The following RARS2 variants were observed in gnomAD, a reference collection of about 807,000 sequenced individuals.
RARS2 encodes the protein probable arginine--tRNA ligase, mitochondrial.
RARS2 carries 67 observed loss-of-function variants against 88.5 expected under a neutral mutation model. That is an observed-to-expected ratio of 0.76 (90% CI 0.62 to 0.93). The LOEUF is 0.93. Ranked by LOEUF, RARS2 falls within the 40% of genes least tolerant of loss-of-function variation. The pLI, the probability that RARS2 is intolerant of heterozygous loss-of-function variation, is 0.00. For synonymous variants in RARS2, 239 were observed against 230.3 expected (o/e 1.04, Z -0.34); for missense variants, 664 against 684.2 (o/e 0.97, Z 0.33).
At chr6:87,524,533 T>C (rs1775029225) in intron 11 of RARS2, 24 bp downstream of exon 11, 8 of 1,537,214 alleles carry the variant, frequency 5.2e-6, no homozygotes, top group East Asian at 2.2e-5. Flanking sequence ...GAACCAAATG[T>C]TGACCCTCAC....
At chr6:87,580,556 C>T (rs981133623) in intron 1 of RARS2, among the ~76,000 whole-genome samples, 2 of 150,270 alleles carry the variant, frequency 1.3e-5, no homozygotes, top group African/African-American at 2.5e-5. Flanking sequence ...GGGTGGATTA[C>T]CTGAGGTCAG....
chr6:87,556,998 A>G (rs1786158375), intron 4 of RARS2, among the ~76,000 whole-genome samples: 2 of 151,892 alleles, frequency 1.3e-5, no homozygotes, highest in South Asian at 4.2e-4. Flanking sequence ...GTTGTGAAAA[A>G]TTTTATTATT....
chr6:87,535,852 A>AT (rs111712008), intron 8 of RARS2, among the ~76,000 whole-genome samples: 4,112 of 145,114 alleles, frequency 0.028, 166 homozygotes, highest in African/African-American at 0.095. Context: ...AATTATTTGT[A>AT]TTTTTTTTTT....
chr6:87,519,164 G>GTATA (rs147071558), intron 14 of RARS2: 38 of 281,070 alleles, frequency 1.4e-4, no homozygotes, highest in Admixed American at 4.4e-4. Context: ...ATGTATGTGT[G>GTATA]TATATATATA....
chr6:87,554,780 C>G (rs923500822), intron 5 of RARS2, among the ~76,000 whole-genome samples: 16 of 152,100 alleles, frequency 1.1e-4, no homozygotes, highest in Non-Finnish European at 2.2e-4. Flanking sequence ...TGGTAGTAAC[C>G]ATTACCTCTG....
chr6:87,537,267 T>C (rs979206800), intron 8 of RARS2, among the ~76,000 whole-genome samples: 1 of 152,192 alleles, frequency 6.6e-6, no homozygotes, highest in Non-Finnish European at 1.5e-5. Context: ...ACTCAAGGGA[T>C]GAAAGAAAGG....
At chr6:87,531,056 T>A in intron 8 of RARS2, 114 bp from the exon 9 acceptor site, 1 of 1,513,352 alleles carries the variant, frequency 6.6e-7, no homozygotes, top group Non-Finnish European at 8.9e-7. Context: ...ATTTTCCAAG[T>A]TGGGTACATT....
chr6:87,520,460 A>C (rs1773479738), intron 12 of RARS2, among the ~76,000 whole-genome samples: 1 of 151,942 alleles, frequency 6.6e-6, no homozygotes, highest in Non-Finnish European at 1.5e-5. Context: ...GAGCCATACA[A>C]CTCCACCGAG....
At chr6:87,551,487 G>T (rs150699699) in intron 5 of RARS2, among the ~76,000 whole-genome samples, 1 of 151,614 alleles carries the variant, frequency 6.6e-6, no homozygotes, top group Non-Finnish European at 1.5e-5. Flanking sequence ...TTAGCTGGGC[G>T]TGGTGGTGCA....
At chr6:87,539,058 G>GAATAAATAAATA (rs71018032) in intron 8 of RARS2, among the ~76,000 whole-genome samples, 9,291 of 150,476 alleles carry the variant, frequency 0.062, 361 homozygotes, top group African/African-American at 0.11. Context: ...ATAAATAAAT[G>GAATAAATAAATA]AATAAATAAA....
At chr6:87,580,494 G>T (rs1032411209) in intron 1 of RARS2, among the ~76,000 whole-genome samples, 3 of 151,678 alleles carry the variant, frequency 2.0e-5, no homozygotes, top group African/African-American at 7.3e-5. Flanking sequence ...AGCACTTCTT[G>T]CCAGGTGCAG....
chr6:87,534,875 G>T (rs1395499995), intron 8 of RARS2, among the ~76,000 whole-genome samples: 1 of 152,184 alleles, frequency 6.6e-6, no homozygotes, highest in Non-Finnish European at 1.5e-5. Flanking sequence ...ACAGGGCAAG[G>T]ACCACCAGCT....
chr6:87,583,799 G>C (rs1210558373), intron 1 of RARS2, among the ~76,000 whole-genome samples: 1 of 152,160 alleles, frequency 6.6e-6, no homozygotes, highest in African/African-American at 2.4e-5. Context: ...GAATTTTATA[G>C]CTGAGTGACC....
intron 5 of RARS2, among the ~76,000 whole-genome samples, chr6:87,552,654 G>A (rs781540121): frequency 6.6e-6 from 1 of 152,066 alleles, no homozygotes; most frequent in Non-Finnish European, 1.5e-5. Context: ...AGCAGTATAT[G>A]GGAAACCAAA....
chr6:87,532,119 A>G (rs948866249), intron 8 of RARS2, among the ~76,000 whole-genome samples: 1 of 152,212 alleles, frequency 6.6e-6, no homozygotes, highest in African/African-American at 2.4e-5. Flanking sequence ...ACATCTCTCA[A>G]GGTAAAAACG....
At chr6:87,567,846 A>C (rs935311622) in intron 2 of RARS2, among the ~76,000 whole-genome samples, 13 of 152,080 alleles carry the variant, frequency 8.5e-5, no homozygotes, top group Admixed American at 6.6e-5. Flanking sequence ...ATCTCGGCTC[A>C]CTCTAACCTC....
At chr6:87,539,787 A>G (rs555051131) in intron 8 of RARS2, among the ~76,000 whole-genome samples, 19 of 152,334 alleles carry the variant, frequency 1.2e-4, no homozygotes, top group African/African-American at 4.3e-4. Flanking sequence ...CCTTGCTGAG[A>G]TAATTAAATT....
At chr6:87,540,642 C>A (rs534213515) in intron 8 of RARS2, among the ~76,000 whole-genome samples, 1 of 152,242 alleles carries the variant, frequency 6.6e-6, no homozygotes, top group South Asian at 2.1e-4. Flanking sequence ...ATCCCCTGAT[C>A]TGTCACCAAT....
chr6:87,552,477 C>T (rs1038827671), intron 5 of RARS2, among the ~76,000 whole-genome samples: 1 of 152,166 alleles, frequency 6.6e-6, no homozygotes, highest in African/African-American at 2.4e-5. Context: ...TCTGCCTTCA[C>T]CAGCATTCAG....
Sources: allele counts gnomAD v4.1 joint callset (sites outside exome capture counted in the v4.1 genomes callset), GRCh38; gene constraint gnomAD v4.1.1; transcripts MANE v1.5; gene names NCBI Gene and HGNC (gene_info 2026-07-23, HGNC 2026-07-21).